KDM4C: variants seen among roughly 807,000 people sequenced by gnomAD.
KDM4C encodes lysine-specific demethylase 4C.
A neutral mutation model predicts 129.3 loss-of-function variants in KDM4C; 81 were observed. That is an observed-to-expected ratio of 0.63 (90% CI 0.52 to 0.75). The LOEUF is 0.75. Among genes scored for constraint, KDM4C ranks in the 30% least tolerant of loss-of-function variants. The pLI is 0.00. For synonymous variants in KDM4C, 573 were observed against 456.1 expected (o/e 1.26, Z -3.26); for missense variants, 1,457 against 1,304.0 (o/e 1.12, Z -1.81).
chr9:6,752,567 T>C (rs1818109164), intron 1 of KDM4C, among the ~76,000 whole-genome samples: 1 of 151,176 alleles, frequency 6.6e-6, no homozygotes, highest in South Asian at 2.1e-4. Flanking sequence ...TGCACCACCA[T>C]GCCTGGCTAA....
At chr9:6,778,096 T>C (rs963756556) in intron 1 of KDM4C, among the ~76,000 whole-genome samples, 9 of 149,706 alleles carry the variant, frequency 6.0e-5, no homozygotes, top group Middle Eastern at 3.2e-3. Flanking sequence ...TTTTTTCTTT[T>C]TTTTTTTTTT....
chr9:7,147,979 C>T (rs1842369429), intron 19 of KDM4C, among the ~76,000 whole-genome samples: 1 of 152,220 alleles, frequency 6.6e-6, no homozygotes, highest in South Asian at 2.1e-4. Flanking sequence ...GGATCCCGTG[C>T]CTGCCAAGGG....
chr9:6,991,039 A>G (rs111816328), intron 12 of KDM4C, among the ~76,000 whole-genome samples: 5,587 of 152,126 alleles, frequency 0.037, 364 homozygotes, highest in African/African-American at 0.13. Flanking sequence ...TTCATTTACA[A>G]TCATTTACCA....
intron 8 of KDM4C, among the ~76,000 whole-genome samples, chr9:6,964,767 G>A (rs1463875765): frequency 7.6e-6 from 1 of 131,094 alleles, no homozygotes; most frequent in Admixed American, 9.2e-5. Context: ...GGGGGACAGA[G>A]TGAGACTCCG....
intron 8 of KDM4C, among the ~76,000 whole-genome samples, chr9:6,949,908 T>G (rs1231015652): frequency 2.0e-5 from 3 of 152,152 alleles, no homozygotes; most frequent in Non-Finnish European, 4.4e-5. Flanking sequence ...AGAGATAAAT[T>G]GATGTTCTTT....
intron 8 of KDM4C, among the ~76,000 whole-genome samples, chr9:6,917,378 C>G (rs1383008955): frequency 6.6e-6 from 1 of 152,156 alleles, no homozygotes; most frequent in African/African-American, 2.4e-5. Flanking sequence ...TTCATGGTTG[C>G]TCACTCACCT....
Position 6,823,104 on chromosome 9 carries a change from C to A in KDM4C, c.435+8359C>A, listed in dbSNP as rs573025840. Among the ~76,000 whole-genome samples, 44 of 152,340 alleles carry A rather than the reference C, an allele frequency of 2.9e-4. 1 individual carries two copies. The highest frequency in any genetic ancestry group is 1.0e-3 in the African/African-American group (42 of 41,576). ...CATGTTTTGCTCATGCTATTACCTT[C>A]ATAATCTATAACCCTAGATGGACCT... On this transcript the variant is annotated intron_variant, in intron 4 of 21. Transcript: ENST00000381309.
chr9:6,855,927 G>T (rs977714777), intron 5 of KDM4C, among the ~76,000 whole-genome samples: 13 of 152,144 alleles, frequency 8.5e-5, no homozygotes, highest in African/African-American at 3.1e-4. Flanking sequence ...TTTTTATAGA[G>T]ATGGGGTCTC....
At chr9:6,850,610 TTA>T (rs1838664308) in intron 5 of KDM4C, among the ~76,000 whole-genome samples, 1 of 151,984 alleles carries the variant, frequency 6.6e-6, no homozygotes, top group Non-Finnish European at 1.5e-5. Flanking sequence ...TTTTTGTATT[TTA>T]GTAGAGACAG....
chr9:6,947,534 T>G (rs1827198485), intron 8 of KDM4C, among the ~76,000 whole-genome samples: 1 of 152,122 alleles, frequency 6.6e-6, no homozygotes, highest in African/African-American at 2.4e-5. Context: ...ATTACAATGT[T>G]ATAGTCATGG....
chr9:6,805,499 T>C (rs1356563891), intron 2 of KDM4C, 100 bp from the exon 3 acceptor site: 1 of 685,526 alleles, frequency 1.5e-6, no homozygotes, highest in South Asian at 3.0e-5. Flanking sequence ...GTCATAGAGA[T>C]ACTGAGAAAT....
chr9:6,761,350 T>G (rs1360229190), intron 1 of KDM4C, among the ~76,000 whole-genome samples: 1 of 151,964 alleles, frequency 6.6e-6, no homozygotes, highest in Non-Finnish European at 1.5e-5. Context: ...TTTTTTTTTT[T>G]GGAGACAGGG....
intron 5 of KDM4C, among the ~76,000 whole-genome samples, chr9:6,860,799 A>G (rs918997231): frequency 2.6e-5 from 4 of 152,180 alleles, no homozygotes; most frequent in African/African-American, 9.7e-5. Context: ...TCATGTTAAA[A>G]TGATCTCAAC....
At chr9:6,815,022 T>C in intron 4 of KDM4C, 1 of 246,346 alleles carries the variant, frequency 4.1e-6, no homozygotes, top group Non-Finnish European at 7.7e-6. Context: ...AAAGCAAAAA[T>C]ACATTATAAA....
chr9:6,919,545 G>GTCTATCTA (rs1029513535), intron 8 of KDM4C, among the ~76,000 whole-genome samples: 4,165 of 79,418 alleles, frequency 0.052, 77 homozygotes, highest in Non-Finnish European at 0.067. Flanking sequence ...CTGTCTGTCT[G>GTCTATCTA]TCTATCTATC....
intron 9 of KDM4C, chr9:6,982,073 T>C (rs1816859474): frequency 6.6e-6 from 1 of 152,176 alleles, no homozygotes; most frequent in South Asian, 2.1e-4. Context: ...GTTTTTTTCA[T>C]GTAACTGATT....
intron 17 of KDM4C, among the ~76,000 whole-genome samples, chr9:7,094,903 A>G (rs558965029): frequency 2.0e-5 from 3 of 152,284 alleles, no homozygotes; most frequent in South Asian, 4.1e-4. Context: ...ACAGTTTCTA[A>G]TAAGGGTCAG....
chr9:7,093,421 C>T (rs1836040498), intron 17 of KDM4C, among the ~76,000 whole-genome samples: 1 of 152,098 alleles, frequency 6.6e-6, no homozygotes, highest in Non-Finnish European at 1.5e-5. Context: ...AAAACTCAAG[C>T]CTCCCCTAAT....
intron 1 of KDM4C, among the ~76,000 whole-genome samples, chr9:6,780,098 C>G (rs1260592233): frequency 3.3e-5 from 5 of 152,150 alleles, no homozygotes; most frequent in African/African-American, 9.7e-5. Flanking sequence ...CACCACTGAC[C>G]TCACACACAG....
Sources: gnomAD v4.1 joint callset for allele counts (sites outside exome capture counted in the v4.1 genomes callset) on GRCh38, gnomAD v4.1.1 for gene constraint, MANE v1.5 for transcripts, NCBI Gene and HGNC (gene_info 2026-07-23, HGNC 2026-07-21) for gene names.